The following DSCAML1 variants were observed in gnomAD, a reference collection of about 807,000 sequenced individuals.
DSCAML1 encodes the protein cell adhesion molecule DSCAML1.
A neutral mutation model predicts 200.5 loss-of-function variants in DSCAML1; 38 were observed. The observed-to-expected ratio is 0.19, with a 90% CI of 0.15 to 0.25. DSCAML1 has a LOEUF of 0.25. Among genes scored for constraint, DSCAML1 ranks in the 10% least tolerant of loss-of-function variants. The pLI is 1.00. For synonymous variants in DSCAML1, 1,215 were observed against 1,165.0 expected (o/e 1.04, Z -0.87); for missense variants, 2,223 against 2,858.8 (o/e 0.78, Z 5.07).
At chr11:117,508,719 T>C (rs1288075958) in intron 8 of DSCAML1, among the ~76,000 whole-genome samples, 1 of 151,866 alleles carries the variant, frequency 6.6e-6, no homozygotes, top group Non-Finnish European at 1.5e-5. Flanking sequence ...GATGAGGAGC[T>C]GGAGAACAGG....
At position 117,477,324 on chromosome 11, in the gene DSCAML1, G is replaced by A. The variant is rs1434667192; in HGVS notation, c.2785+3119C>T. Among the ~76,000 whole-genome samples, 4 of 147,834 alleles carry A rather than the reference G, an allele frequency of 2.7e-5. No individual in the cohort carries two copies. In the East Asian group the frequency reaches 8.1e-4, roughly 30 times the overall value. On this transcript the variant is annotated intron_variant, in intron 14 of 32. Coordinates refer to ENST00000651296, the MANE Select transcript of DSCAML1 (RefSeq NM_020693.4). ...GTTTGTGGCATATTATACTTGATTG[G>A]ATAGTGCTTTGTAATGGTTCTGAAA...
chr11:117,678,874 A>G (rs2053263555), intron 3 of DSCAML1, among the ~76,000 whole-genome samples: 1 of 152,266 alleles, frequency 6.6e-6, no homozygotes, highest in African/African-American at 2.4e-5. Flanking sequence ...AACAGCCAAG[A>G]GAGGGTTTTG....
chr11:117,764,897 C>G (rs2054864284), intron 3 of DSCAML1, among the ~76,000 whole-genome samples: 1 of 152,206 alleles, frequency 6.6e-6, no homozygotes, highest in African/African-American at 2.4e-5. Flanking sequence ...CAGACTCTCA[C>G]ATAGAATGAA....
At chr11:117,624,197 A>G (rs1286482263) in intron 3 of DSCAML1, among the ~76,000 whole-genome samples, 1 of 152,248 alleles carries the variant, frequency 6.6e-6, no homozygotes, top group Non-Finnish European at 1.5e-5. Flanking sequence ...GATTGAAATC[A>G]GCTGAATCGG....
At chr11:117,734,163 C>T (rs1310600304) in intron 3 of DSCAML1, among the ~76,000 whole-genome samples, 2 of 152,188 alleles carry the variant, frequency 1.3e-5, no homozygotes, top group East Asian at 1.9e-4. Flanking sequence ...GGGAAGTCAC[C>T]TCTTTGGTCA....
chr11:117,792,665 A>G (rs567134918), intron 1 of DSCAML1, among the ~76,000 whole-genome samples: 38 of 152,058 alleles, frequency 2.5e-4, no homozygotes, highest in Admixed American at 3.9e-4. Flanking sequence ...CAACTACCTC[A>G]CTACCTGCTG....
intron 11 of DSCAML1, 139 bp from the exon 12 acceptor site, chr11:117,482,301 C>T (rs2048944715): frequency 5.2e-6 from 5 of 961,648 alleles, no homozygotes; most frequent in Non-Finnish European, 7.7e-6. Flanking sequence ...GGGAACCCCA[C>T]TGGCCTGTCC....
chr11:117,453,123 C>T (rs375405311), intron 19 of DSCAML1, among the ~76,000 whole-genome samples: 22 of 151,982 alleles, frequency 1.4e-4, no homozygotes, highest in Admixed American at 5.2e-4. Flanking sequence ...TTAGTAGAGA[C>T]GGGGTTTCAC....
Position 117,469,780 on chromosome 11 carries a change from T to C in DSCAML1, c.3024+130A>G, listed in dbSNP as rs2048648747. 1.3e-6 allele frequency: 1 copy of C among 771,834 alleles called. No homozygotes were observed. Among genetic ancestry groups the C allele is most frequent in the Non-Finnish European group, 1.9e-6 (1 of 523,796 alleles). The allele number at this position is 771,834 out of a possible 1,614,324, so 47.8% of individuals were successfully genotyped here. A position where few individuals can be genotyped will look rare whatever the true frequency, so the allele number is the denominator to read the frequency against. On this transcript the variant is annotated intron_variant, in intron 16 of 32. Transcript: ENST00000651296. The surrounding 1 kb of genome is among the most constrained non-coding windows in gnomAD (Gnocchi z 4.1). ...CTTCCATCTCTCAAATCTCACTAGG[T>C]TTAGTGACAAAACAGACATGGGCAT...
chr11:117,470,392 G>T (rs951756899), intron 15 of DSCAML1, among the ~76,000 whole-genome samples: 2 of 152,032 alleles, frequency 1.3e-5, no homozygotes. Context: ...TGGCTAACAG[G>T]GTGAAACCCT....
intron 3 of DSCAML1, among the ~76,000 whole-genome samples, chr11:117,701,851 G>T (rs1015488125): frequency 1.3e-5 from 2 of 152,102 alleles, no homozygotes; most frequent in Admixed American, 6.5e-5. Context: ...TCATCCCCGC[G>T]CTCAGCCTCA....
intron 3 of DSCAML1, among the ~76,000 whole-genome samples, chr11:117,721,425 G>C (rs1031976701): frequency 6.6e-6 from 1 of 151,946 alleles, no homozygotes; most frequent in African/African-American, 2.4e-5. Context: ...AATTACTCTG[G>C]GTATTCCAAC....
At chr11:117,793,059 G>T (rs2055503066) in intron 1 of DSCAML1, among the ~76,000 whole-genome samples, 2 of 152,208 alleles carry the variant, frequency 1.3e-5, no homozygotes, top group Admixed American at 1.3e-4. Context: ...CAAGGAGGAA[G>T]CCAATGACTG....
intron 1 of DSCAML1, among the ~76,000 whole-genome samples, chr11:117,808,394 A>G (rs1445874104): frequency 6.6e-6 from 1 of 152,150 alleles, no homozygotes; most frequent in African/African-American, 2.4e-5. Context: ...TCTGGAAAAG[A>G]TAATAGGCGC....
chr11:117,698,317 A>T (rs2053617266), intron 3 of DSCAML1, among the ~76,000 whole-genome samples: 1 of 152,172 alleles, frequency 6.6e-6, no homozygotes, highest in African/African-American at 2.4e-5. Context: ...ATGACAAATT[A>T]CCTAACGGGT....
chr11:117,768,256 A>G (rs527749228), intron 3 of DSCAML1, among the ~76,000 whole-genome samples: 32 of 152,340 alleles, frequency 2.1e-4, no homozygotes, highest in African/African-American at 7.0e-4. Context: ...GCAAGGTACT[A>G]GTGAATCTAG....
chr11:117,511,340 C>T (rs1441604043), intron 8 of DSCAML1, among the ~76,000 whole-genome samples: 3 of 152,096 alleles, frequency 2.0e-5, no homozygotes, highest in African/African-American at 7.2e-5. Flanking sequence ...AAGAAGCCCT[C>T]GGAAGCTCAG....
At chr11:117,574,374 T>C (rs1392193710) in intron 3 of DSCAML1, among the ~76,000 whole-genome samples, 1 of 152,158 alleles carries the variant, frequency 6.6e-6, no homozygotes, top group East Asian at 1.9e-4. Context: ...TGGGGCAGGC[T>C]CCGAAGGAGG....
intron 3 of DSCAML1, among the ~76,000 whole-genome samples, chr11:117,739,971 C>T (rs1208875332): frequency 6.6e-6 from 1 of 152,198 alleles, no homozygotes; most frequent in Non-Finnish European, 1.5e-5. Flanking sequence ...GGGCACATGA[C>T]CAACATTTTT....
Sources: allele counts gnomAD v4.1 joint callset (sites outside exome capture counted in the v4.1 genomes callset), GRCh38; gene constraint gnomAD v4.1.1; non-coding constraint Gnocchi (gnomAD v3.1); transcripts MANE v1.5; gene names NCBI Gene and HGNC (gene_info 2026-07-23, HGNC 2026-07-21).